The following PPFIA1 variants were observed in gnomAD, a reference collection of about 807,000 sequenced individuals.
The protein encoded by PPFIA1 is liprin-alpha-1.
In PPFIA1, 25 loss-of-function variants were observed where a neutral mutation model predicts 149.9. That is an observed-to-expected ratio of 0.17 (90% CI 0.12 to 0.23). The LOEUF (loss-of-function observed/expected upper bound fraction) is 0.23, where lower values mean the gene tolerates loss of function less well. Among genes scored for constraint, PPFIA1 ranks in the 10% least tolerant of loss-of-function variants. The probability of loss-of-function intolerance (pLI) is 1.00; values close to 1 mark genes in which losing one functional copy is unlikely to be tolerated. For synonymous variants in PPFIA1, 549 were observed against 552.8 expected (o/e 0.99, Z 0.10); for missense variants, 1,362 against 1,506.5 (o/e 0.90, Z 1.59).
At chr11:70,291,122 T>C (rs2051497798) in intron 2 of PPFIA1, among the ~76,000 whole-genome samples, 1 of 152,062 alleles carries the variant, frequency 6.6e-6, no homozygotes, top group Admixed American at 6.6e-5. Context: ...CGACCTCAGG[T>C]TATCCACCAG....
In PPFIA1 at chr11:70,343,840, A is replaced by G; in HGVS notation, c.1879A>G (p.Thr627Ala). ...GCCCAGCGGGCAGGCCGACGCGCACACACTAGCCATGATGCTTCAGGAGCA... is the reference window on the plus strand; with the variant it reads ...GCCCAGCGGGCAGGCCGACGCGCACGCACTAGCCATGATGCTTCAGGAGCA... ...LSPSGQADAH[T>A]LAMMLQEQLD... The change falls in exon 15 of 28, where the codon ACA (threonine) becomes GCA (alanine). Residue 627 changes from threonine to alanine, a missense_variant. Physicochemically the swap from Thr to Ala is moderately conservative, Grantham distance 58. Coordinates refer to ENST00000253925, the MANE Select transcript of PPFIA1 (RefSeq NM_003626.5). 1 of 1,614,112 alleles carries G rather than the reference A, an allele frequency of 6.2e-7. No homozygotes were observed.
rs767075174 is a variant in PPFIA1, at chr11:70,383,156, G to A, written c.*166G>A. The stretch of plus-strand genomic sequence containing the variant: ...AGTTTTTAATTAGTGAAAAATTCAT[G>A]AATACCATAGAGAAAATATTTTAGA... On this transcript the variant is annotated 3_prime_UTR_variant, in exon 28 of 28. Coordinates refer to ENST00000253925, the MANE Select transcript of PPFIA1 (RefSeq NM_003626.5). 3.9e-5 allele frequency: 14 copies of A among 355,226 alleles called. No homozygotes were observed. The highest frequency in any genetic ancestry group is 2.9e-4 in the South Asian group (14 of 47,470). The allele number at this position is 355,226 out of a possible 1,614,324, so 22.0% of individuals were successfully genotyped here.
At chr11:70,272,533 G>A (rs576662599) in intron 2 of PPFIA1, 97 bp downstream of exon 2, 473 of 1,344,664 alleles carry the variant, frequency 3.5e-4, no homozygotes, top group Middle Eastern at 4.4e-4. Flanking sequence ...AGTATTTTCC[G>A]TAACGATTTG....
chr11:70,325,715 T>A (rs2054227538), intron 5 of PPFIA1, 141 bp downstream of exon 5: 4 of 593,170 alleles, frequency 6.7e-6, no homozygotes, highest in South Asian at 2.0e-5. Context: ...GCGGATCACC[T>A]GAGGTCAGGA....
At chr11:70,281,056 A>G (rs566826129) in intron 2 of PPFIA1, among the ~76,000 whole-genome samples, 5 of 152,196 alleles carry the variant, frequency 3.3e-5, no homozygotes, top group African/African-American at 9.6e-5. Context: ...TGTCAAGTAT[A>G]TTTTTGAATA....
intron 15 of PPFIA1, among the ~76,000 whole-genome samples, chr11:70,345,730 G>A (rs1466315383): frequency 6.6e-6 from 1 of 152,198 alleles, no homozygotes; most frequent in African/African-American, 2.4e-5. Flanking sequence ...GGGAGGCTGA[G>A]GCGGGAGGAT....
At chr11:70,284,497 G>GAGAC (rs113949676) in intron 2 of PPFIA1, among the ~76,000 whole-genome samples, 32,989 of 151,960 alleles carry the variant, frequency 0.22, 5,421 homozygotes, top group African/African-American at 0.46. Context: ...GTCAGTGGTA[G>GAGAC]AGACAGGGTC....
intron 12 of PPFIA1, 42 bp downstream of exon 12, chr11:70,337,469 C>G: frequency 6.9e-7 from 1 of 1,443,176 alleles, no homozygotes; most frequent in Non-Finnish European, 9.5e-7. Flanking sequence ...CCAAGTTGAA[C>G]TGAGTTGATG....
At chr11:70,350,892 T>A in intron 16 of PPFIA1, 1 of 547,500 alleles carries the variant, frequency 1.8e-6, no homozygotes, top group Non-Finnish European at 2.4e-6. Context: ...CTCCTGTCAT[T>A]TCTATTTTAA....
rs989130595 is a variant in PPFIA1 at position 70,383,815 on chromosome 11, C to T, written c.*825C>T. The T allele has an allele frequency of 2.6e-5, 4 of 152,444 alleles. No homozygotes were observed. Among genetic ancestry groups the T allele is most frequent in the Non-Finnish European group, 4.4e-5 (3 of 68,252 alleles). 9.4% of individuals were successfully genotyped at this position (152,444 alleles called of 1,614,324 possible). On this transcript the variant is annotated 3_prime_UTR_variant, in exon 28 of 28. Coordinates refer to ENST00000253925, the MANE Select transcript of PPFIA1 (RefSeq NM_003626.5). ...GGGGTAACCTGGGGACCAGTCTAGC[C>T]CCTGCACCCTCTTCCCTGCCTCTGC...
chr11:70,362,152 G>A lies in PPFIA1; in HGVS notation c.2640G>A (p.Gly880=). 6.2e-7 allele frequency: 1 copy of A among 1,614,212 alleles called. No individual in the cohort carries two copies. Among genetic ancestry groups the A allele is most frequent in the African/African-American group, 1.3e-5 (1 of 75,062 alleles). Residue 880 remains glycine, a synonymous_variant, in exon 20 of 28, where the codon GGG becomes GGA. Coordinates refer to ENST00000253925, the MANE Select transcript of PPFIA1 (RefSeq NM_003626.5). ...GTTTACCTTTTGCCCAATGGGACGGGCCAACGGTTGTGGTCTGGCTAGAGG... is the reference window on the plus strand; with the variant it reads ...GTTTACCTTTTGCCCAATGGGACGGACCAACGGTTGTGGTCTGGCTAGAGG... ...RQGLPFAQWD[G]PTVVVWLELW...
chr11:70,301,137 C>T (rs904086516), intron 2 of PPFIA1, among the ~76,000 whole-genome samples: 14 of 152,302 alleles, frequency 9.2e-5, no homozygotes, highest in Middle Eastern at 3.4e-3. Flanking sequence ...GATAGTTCAC[C>T]TCTAAGACTG....
rs1565403507 is a variant in PPFIA1 at position 70,330,263 on chromosome 11, G to T, written c.1021G>T (p.Asp341Tyr). ...ACAGCGTGAAGCCACATCTGTGCAT[G>T]ACCTCAATGATAAACTTGAAAATGA... The part of the protein sequence containing the change: ...AAQREATSVH[D>Y]LNDKLENEIA... The change falls in exon 8 of 28, where the codon GAC becomes TAC. Residue 341 changes from aspartate to tyrosine, a missense_variant. Around this residue, in one of 7 missense-constraint regions of PPFIA1, gnomAD observed 733 missense variants for 744.1 expected, o/e 0.99. Coordinates refer to ENST00000253925, the MANE Select transcript of PPFIA1 (RefSeq NM_003626.5). 1 of 1,589,336 alleles carries T rather than the reference G, an allele frequency of 6.3e-7. No homozygotes were observed. Among genetic ancestry groups the T allele is most frequent in the African/African-American group, 1.4e-5 (1 of 73,560 alleles).
chr11:70,333,488 A>G lies in PPFIA1; in HGVS notation c.1231A>G (p.Asn411Asp), dbSNP rs1200087044. Residue 411 changes from asparagine (N) to aspartate (D), a missense_variant, in exon 10 of 28, where the codon AAC (asparagine) becomes GAC (aspartate). Coordinates refer to ENST00000253925, the MANE Select transcript of PPFIA1 (RefSeq NM_003626.5). ...CTGACAGGCTGAAGAGAGACACGGC[A>G]ACATTGAAGAAAGGTTACGACAGAT... ...ALSKAEERHG[N>D]IEERLRQMEA... is the part of the protein sequence containing the mutation. The G allele has an allele frequency of 1.2e-6, 2 of 1,613,262 alleles. No individual in the cohort carries two copies. The highest frequency in any genetic ancestry group is 8.5e-7 in the Non-Finnish European group (1 of 1,179,702).
intron 2 of PPFIA1, among the ~76,000 whole-genome samples, chr11:70,306,099 T>A (rs957106974): frequency 6.6e-6 from 1 of 152,230 alleles, no homozygotes; most frequent in South Asian, 2.1e-4. Flanking sequence ...AAATGGCCTT[T>A]TGGGGCAAAC....
chr11:70,316,923 T>C (rs537163121), intron 2 of PPFIA1, among the ~76,000 whole-genome samples: 2 of 152,350 alleles, frequency 1.3e-5, no homozygotes, highest in East Asian at 3.9e-4. Flanking sequence ...TTATCAGGCA[T>C]TATGTGAAAC....
intron 21 of PPFIA1, chr11:70,365,621 G>C (rs555910352): frequency 2.8e-6 from 1 of 355,876 alleles, no homozygotes; most frequent in Non-Finnish European, 5.5e-6. Flanking sequence ...TTTTTTCCAG[G>C]AACTTCAAGT....
In PPFIA1 at chr11:70,343,421, G is replaced by A. The variant is rs140884702; in HGVS notation, c.1708-248G>A. Among the ~76,000 whole-genome samples the A allele has an allele frequency of 1.2e-3, 181 of 152,240 alleles. 1 individual carries two copies. The highest frequency in any genetic ancestry group is 4.0e-3 in the African/African-American group (166 of 41,536). On this transcript the variant is annotated intron_variant, in intron 14 of 27. Coordinates refer to ENST00000253925, the MANE Select transcript of PPFIA1 (RefSeq NM_003626.5). The stretch of plus-strand genomic sequence containing the variant: ...TCTGACTCTGCCATCTCCCAGTTGT[G>A]TATTTCGCCATGGAAATGCCACATG...
intron 2 of PPFIA1, among the ~76,000 whole-genome samples, chr11:70,277,085 CATT>C (rs1405387448): frequency 1.1e-5 from 1 of 94,232 alleles, no homozygotes; most frequent in Non-Finnish European, 1.8e-5. Flanking sequence ...GGCACAGTCT[CATT>C]GTGTCTCCCA....
Sources: allele counts gnomAD v4.1 joint callset (sites outside exome capture counted in the v4.1 genomes callset), GRCh38; gene constraint gnomAD v4.1.1; regional missense constraint gnomAD v4.1.1; transcripts MANE v1.5; gene names NCBI Gene and HGNC (gene_info 2026-07-23, HGNC 2026-07-21).